TET2: variants seen among roughly 807,000 people sequenced by gnomAD.
TET2 encodes the protein methylcytosine dioxygenase TET2.
TET2 carries 299 observed loss-of-function variants against 142.9 expected under a neutral mutation model. That is an observed-to-expected ratio of 2.09 (90% confidence interval 1.90 to 2.30). The LOEUF (loss-of-function observed/expected upper bound fraction) is 2.30, where lower values mean the gene tolerates loss of function less well. Among genes scored for constraint, TET2 ranks in the 30% most tolerant of loss-of-function variants. TET2 has a pLI of 0.00. For synonymous variants in TET2, 819 were observed against 849.0 expected (o/e 0.96, Z 0.61); for missense variants, 2,418 against 2,378.0 (o/e 1.02, Z -0.35).
intron 2 of TET2, among the ~76,000 whole-genome samples, chr4:105,202,083 T>C (rs75339908): frequency 1.3e-5 from 2 of 152,072 alleles, no homozygotes; most frequent in Non-Finnish European, 2.9e-5. Flanking sequence ...TCTTCCAGGT[T>C]TTTATGTCCT....
intron 1 of TET2, among the ~76,000 whole-genome samples, chr4:105,182,845 T>G (rs547689096): frequency 2.2e-4 from 33 of 152,298 alleles, no homozygotes; most frequent in Middle Eastern, 6.8e-3. Flanking sequence ...ATGTTTATAT[T>G]CATGATATTA....
chr4:105,207,210 C>T (rs371137883), intron 2 of TET2, among the ~76,000 whole-genome samples: 5 of 152,092 alleles, frequency 3.3e-5, no homozygotes, highest in East Asian at 1.9e-4. Context: ...TGTAAGTATA[C>T]GGGGAAATTA....
Position 105,276,125 on chromosome 4 carries a change from T to A in TET2, c.5615T>A (p.Leu1872His). The A allele has an allele frequency of 1.3e-6, 2 of 1,551,592 alleles. No homozygotes were observed. The highest frequency in any genetic ancestry group is 1.7e-6 in the Non-Finnish European group (2 of 1,146,962). ...VAVAPTHGSILIECAKRELHA... is the reference protein window; with the variant it reads ...VAVAPTHGSIHIECAKRELHA... ...GTGGCTCCAACTCATGGGTCAATTC[T>A]CATTGAGTGTGCAAAGCGTGAGCTG... Residue 1872 changes from leucine (L) to histidine (H), a missense_variant, in exon 11 of 11, where the codon CTC (leucine) becomes CAC (histidine). Leu to His is a moderately conservative substitution (Grantham distance 99). Transcript: ENST00000380013.
intron 3 of TET2, chr4:105,240,357 T>C (rs1449876983): frequency 9.4e-7 from 1 of 1,068,974 alleles, no homozygotes; most frequent in East Asian, 5.3e-5. Flanking sequence ...AAATTCAGGA[T>C]ATGTAATAGG....
chr4:105,238,975 C>G (rs990675232), intron 3 of TET2: 3 of 241,422 alleles, frequency 1.2e-5, no homozygotes, highest in Admixed American at 5.7e-5. Flanking sequence ...TTAACAGGCA[C>G]GAAAACAGCA....
intron 1 of TET2, among the ~76,000 whole-genome samples, chr4:105,160,495 T>A (rs2110375269): frequency 6.6e-6 from 1 of 152,312 alleles, no homozygotes; most frequent in Non-Finnish European, 1.5e-5. Flanking sequence ...GAGATGGATG[T>A]CATCATTTAT....
At chr4:105,231,027 A>G (rs1159424214) in intron 2 of TET2, among the ~76,000 whole-genome samples, 1 of 152,142 alleles carries the variant, frequency 6.6e-6, no homozygotes, top group Non-Finnish European at 1.5e-5. Context: ...CTTATCTTGT[A>G]GCATATTTCT....
intron 1 of TET2, among the ~76,000 whole-genome samples, chr4:105,165,929 A>G (rs746162095): frequency 7.9e-5 from 12 of 152,212 alleles, no homozygotes; most frequent in Non-Finnish European, 1.0e-4. Context: ...AGTCTCTACT[A>G]TGTAAGATGT....
In TET2 at chr4:105,253,132, A is replaced by T. The variant is rs1162010195; in HGVS notation, c.3804-6487A>T. 2.6e-5 allele frequency among the ~76,000 whole-genome samples: 4 copies of T among 152,052 alleles called. No individual in the cohort carries two copies. The South Asian group carries it at 8.3e-4, about 32-fold the overall frequency. ...GCTATTCTTTTGCCTATTACTAAGT[A>T]AAAAAAGCAGTCTGAAAAGGCTATA... On this transcript the variant is annotated intron_variant, in intron 6 of 10. Coordinates refer to ENST00000380013, the MANE Select transcript of TET2 (RefSeq NM_001127208.3).
intron 2 of TET2, among the ~76,000 whole-genome samples, chr4:105,230,858 C>T (rs1728469778): frequency 1.3e-5 from 2 of 152,122 alleles, no homozygotes; most frequent in South Asian, 4.1e-4. Flanking sequence ...TAAGTTTTCT[C>T]AGATTGTTTT....
At position 105,275,773 on chromosome 4, in the gene TET2, G is replaced by T. The variant is rs1731186837; in HGVS notation, c.5263G>T (p.Glu1755Ter). 6.4e-7 allele frequency: 1 copy of T among 1,551,660 alleles called. No homozygotes were observed. Among genetic ancestry groups the T allele is most frequent in the Non-Finnish European group, 8.7e-7 (1 of 1,146,982 alleles). Reference protein sequence around the residue: ...SNPNMDYKNGEHHSPSHIIHN... With the variant: ...SNPNMDYKNG ...TCCAAACATGGACTATAAAAATGGT[G>T]AACATCATTCACCTTCTCACATAAT... The change falls in exon 11 of 11, where the codon GAA (glutamate) becomes TAA (stop). Residue 1755 changes from glutamate to a stop codon, truncating the protein, a stop_gained. Coordinates refer to ENST00000380013, the MANE Select transcript of TET2 (RefSeq NM_001127208.3). LOFTEE classifies it low-confidence loss of function (END_TRUNC).
chr4:105,209,832 A>G (rs545239377), intron 2 of TET2, among the ~76,000 whole-genome samples: 2 of 152,240 alleles, frequency 1.3e-5, no homozygotes, highest in South Asian at 4.1e-4. Flanking sequence ...GGGCTTCAGT[A>G]TGAATAGGTA....
chr4:105,189,504 TCC>T (rs34278031), intron 1 of TET2, among the ~76,000 whole-genome samples: 9,371 of 152,212 alleles, frequency 0.062, 364 homozygotes, highest in Non-Finnish European at 0.09. Context: ...CTTTTTAATC[TCC>T]TCCAATTTGC....
intron 1 of TET2, among the ~76,000 whole-genome samples, chr4:105,159,498 G>A (rs1455023481): frequency 6.6e-6 from 1 of 151,956 alleles, no homozygotes; most frequent in East Asian, 1.9e-4. Flanking sequence ...AAGGTGATCC[G>A]CTTGCTTCGG....
chr4:105,202,233 T>C (rs551509399), intron 2 of TET2: 47 of 152,266 alleles, frequency 3.1e-4, no homozygotes, highest in African/African-American at 1.1e-3. Flanking sequence ...TAACTTATTA[T>C]AGAAGGCTTA....
chr4:105,193,000 CAG>C (rs1725874213), intron 2 of TET2, among the ~76,000 whole-genome samples: 1 of 152,102 alleles, frequency 6.6e-6, no homozygotes, highest in South Asian at 2.1e-4. Context: ...AGGTTTTATG[CAG>C]AGTGATTTAA....
chr4:105,236,514 A>T lies in TET2; in HGVS notation c.2572A>T (p.Lys858Ter). Residue 858 changes from lysine (K) to a stop codon, truncating the protein, a stop_gained, in exon 3 of 11, where the codon AAG (lysine) becomes TAG (stop). Coordinates refer to ENST00000380013, the MANE Select transcript of TET2 (RefSeq NM_001127208.3). LOFTEE classifies it high-confidence loss of function. ...TTHPELFAGN[K>*]TQNLHHMQYF... ...ACATCCTGAACTTTTTGCAGGAAAC[A>T]AGACCCAAAACTTGCATCACATGCA... The T allele has an allele frequency of 6.2e-7, 1 of 1,614,176 alleles. No homozygotes were observed. The highest frequency in any genetic ancestry group is 8.5e-7 in the Non-Finnish European group (1 of 1,180,018).
chr4:105,271,642 T>C (rs1404331981), intron 9 of TET2, among the ~76,000 whole-genome samples: 1 of 152,222 alleles, frequency 6.6e-6, no homozygotes, highest in African/African-American at 2.4e-5. Context: ...AGTCAGTCCA[T>C]TGTGATCACA....
intron 2 of TET2, among the ~76,000 whole-genome samples, chr4:105,216,895 C>T (rs1295825322): frequency 2.0e-5 from 3 of 151,908 alleles, no homozygotes; most frequent in Non-Finnish European, 4.4e-5. Flanking sequence ...TATGATATTT[C>T]CTAGGTAATG....
Sources: gnomAD v4.1 joint callset for allele counts (sites outside exome capture counted in the v4.1 genomes callset) on GRCh38, gnomAD v4.1.1 for gene constraint, MANE v1.5 for transcripts, NCBI Gene and HGNC (gene_info 2026-07-23, HGNC 2026-07-21) for gene names.